The following TSHZ2 variants were observed in gnomAD, a reference collection of about 807,000 sequenced individuals.
TSHZ2 encodes teashirt homolog 2.
A neutral mutation model predicts 74.4 loss-of-function variants in TSHZ2; 21 were observed. The ratio of observed to expected loss-of-function variants is 0.28; its 90% CI spans 0.20 to 0.41. The LOEUF is 0.41. Among genes scored for constraint, TSHZ2 ranks in the 10% least tolerant of loss-of-function variants. TSHZ2 has a pLI of 1.00. For synonymous variants in TSHZ2, 540 were observed against 515.3 expected (o/e 1.05, Z -0.65); for missense variants, 1,244 against 1,293.5 (o/e 0.96, Z 0.59).
At chr20:53,388,518 C>T (rs1485949790) in intron 2 of TSHZ2, among the ~76,000 whole-genome samples, 1 of 152,178 alleles carries the variant, frequency 6.6e-6, no homozygotes, top group African/African-American at 2.4e-5. Flanking sequence ...CTGACAGTCA[C>T]AGTCGCAGGA....
chr20:53,060,879 T>G (rs1390800347), intron 1 of TSHZ2, among the ~76,000 whole-genome samples: 7 of 152,216 alleles, frequency 4.6e-5, no homozygotes, highest in Admixed American at 1.3e-4. Flanking sequence ...AGGCCTCTCT[T>G]CCTCAATGAA....
chr20:53,084,666 C>T (rs1235166818), intron 1 of TSHZ2, among the ~76,000 whole-genome samples: 1 of 95,102 alleles, frequency 1.1e-5, no homozygotes. Flanking sequence ...TCCTTCTCTC[C>T]TTCTCTCCCT....
intron 1 of TSHZ2, among the ~76,000 whole-genome samples, chr20:53,071,353 C>G (rs2123197595): frequency 6.6e-6 from 1 of 152,318 alleles, no homozygotes; most frequent in South Asian, 2.1e-4. Flanking sequence ...AGCTTCTAAA[C>G]ATTGTTGAAC....
At chr20:53,307,796 C>A (rs548668778) in intron 2 of TSHZ2, among the ~76,000 whole-genome samples, 12 of 152,166 alleles carry the variant, frequency 7.9e-5, no homozygotes, top group Admixed American at 4.6e-4. Context: ...TGGTTTTAAA[C>A]CCCCAGAGGT....
intron 1 of TSHZ2, among the ~76,000 whole-genome samples, chr20:53,229,250 T>TA (rs1402049289): frequency 6.6e-6 from 1 of 152,064 alleles, no homozygotes; most frequent in Non-Finnish European, 1.5e-5. Flanking sequence ...CCCCACCCCC[T>TA]AGAGGAGCAG....
chr20:53,050,130 T>TATATATATATATATATAC (rs1555819319), intron 1 of TSHZ2, among the ~76,000 whole-genome samples: 18 of 88,306 alleles, frequency 2.0e-4, no homozygotes, highest in African/African-American at 1.0e-3. Flanking sequence ...TATATACACA[T>TATATATATATATATATAC]ATATATATGT....
chr20:53,081,332 G>T (rs1161695190), intron 1 of TSHZ2, among the ~76,000 whole-genome samples: 1 of 152,136 alleles, frequency 6.6e-6, no homozygotes, highest in African/African-American at 2.4e-5. Flanking sequence ...CCCAGCCAAT[G>T]CTTCCTTAAA....
intron 1 of TSHZ2, among the ~76,000 whole-genome samples, chr20:53,190,878 G>T (rs1040382647): frequency 1.3e-5 from 2 of 152,204 alleles, no homozygotes; most frequent in African/African-American, 4.8e-5. Flanking sequence ...AAGGACAAAG[G>T]CTGGGATGTT....
At chr20:53,216,135 C>T (rs1989429378) in intron 1 of TSHZ2, among the ~76,000 whole-genome samples, 1 of 152,126 alleles carries the variant, frequency 6.6e-6, no homozygotes, top group Non-Finnish European at 1.5e-5. Context: ...GAATAGAAAA[C>T]AGTGGGGGGC....
rs375407481 is a variant in TSHZ2, at chr20:53,225,347, G to A, written c.41-28152G>A. On this transcript the variant is annotated intron_variant, in intron 1 of 2. Transcript: ENST00000371497. Reference sequence around the variant, plus strand: ...CTGCTAATTGTGTACTTCTATTGACGAGAGCCCATCATGGGTCCCCTGGGT... The same window carrying A: ...CTGCTAATTGTGTACTTCTATTGACAAGAGCCCATCATGGGTCCCCTGGGT... Among the ~76,000 whole-genome samples, 16 of 152,306 alleles carry A rather than the reference G, an allele frequency of 1.1e-4. No individual in the cohort carries two copies. In the East Asian group the frequency reaches 1.5e-3, roughly 15 times the overall value.
intron 1 of TSHZ2, among the ~76,000 whole-genome samples, chr20:53,243,647 C>A (rs1021218105): frequency 1.3e-5 from 2 of 152,128 alleles, no homozygotes; most frequent in Non-Finnish European, 2.9e-5. Flanking sequence ...CCAGGAAGCC[C>A]TTTCCTGAAT....
intron 2 of TSHZ2, among the ~76,000 whole-genome samples, chr20:53,478,178 C>A (rs1986038714): frequency 6.6e-6 from 1 of 150,392 alleles, no homozygotes; most frequent in South Asian, 2.1e-4. Flanking sequence ...ACCCAAAGGA[C>A]TATAAATCAT....
intron 2 of TSHZ2, among the ~76,000 whole-genome samples, chr20:53,357,236 T>C (rs1226812001): frequency 6.6e-6 from 1 of 152,246 alleles, no homozygotes; most frequent in Non-Finnish European, 1.5e-5. Context: ...AATTCCACAA[T>C]AAATTCATGT....
chr20:53,389,090 T>C (rs1982159887), intron 2 of TSHZ2, among the ~76,000 whole-genome samples: 1 of 152,218 alleles, frequency 6.6e-6, no homozygotes, highest in Non-Finnish European at 1.5e-5. Context: ...CATACTGGAA[T>C]GTGTGACCTT....
chr20:53,146,928 C>A (rs1176386278), intron 1 of TSHZ2, among the ~76,000 whole-genome samples: 1 of 152,120 alleles, frequency 6.6e-6, no homozygotes, highest in Non-Finnish European at 1.5e-5. Flanking sequence ...ACCACCTGAA[C>A]CATTGACCTT....
At chr20:53,061,780 T>A (rs1984830862) in intron 1 of TSHZ2, among the ~76,000 whole-genome samples, 1 of 152,192 alleles carries the variant, frequency 6.6e-6, no homozygotes, top group East Asian at 1.9e-4. Flanking sequence ...AAGAGACATG[T>A]TTTTTATGTA....
chr20:53,014,563 C>T (rs147032458), intron 1 of TSHZ2, among the ~76,000 whole-genome samples: 210 of 152,256 alleles, frequency 1.4e-3, no homozygotes, highest in African/African-American at 4.6e-3. Context: ...CTAGGCAGTG[C>T]TCTCTGCCCT....
intron 1 of TSHZ2, among the ~76,000 whole-genome samples, chr20:53,024,410 A>G (rs999980719): frequency 1.3e-5 from 2 of 151,216 alleles, no homozygotes; most frequent in Non-Finnish European, 2.9e-5. Flanking sequence ...AAAGGTGGTA[A>G]TTGTCCCTGA....
rs1169455957 is a variant in TSHZ2, at chr20:53,281,024, T to C, written c.*8+24453T>C. The stretch of plus-strand genomic sequence containing the variant: ...AGTATTCCTAAAAGTAAACTGTATT[T>C]AGATACTATGCCAGGCTTGTATCCA... On this transcript the variant is annotated intron_variant, in intron 2 of 2. Transcript: ENST00000371497. Among the ~76,000 whole-genome samples the C allele has an allele frequency of 3.9e-5, 6 of 152,208 alleles. No homozygotes were observed. The South Asian group carries it at 6.2e-4, about 16-fold the overall frequency.
Sources: allele counts gnomAD v4.1 joint callset (sites outside exome capture counted in the v4.1 genomes callset), GRCh38; gene constraint gnomAD v4.1.1; transcripts MANE v1.5; gene names NCBI Gene and HGNC (gene_info 2026-07-23, HGNC 2026-07-21).